RUFY2: variants seen among roughly 807,000 people sequenced by gnomAD.
RUFY2 encodes the protein RUN and FYVE domain-containing protein 2.
In RUFY2, 49 loss-of-function variants were observed where a neutral mutation model predicts 94.4. That is an observed-to-expected ratio of 0.52 (90% CI 0.41 to 0.66). The LOEUF (loss-of-function observed/expected upper bound fraction) is 0.66, where lower values mean the gene tolerates loss of function less well. RUFY2 is among the 30% of genes least tolerant of loss of function. The pLI, the probability that RUFY2 is intolerant of heterozygous loss-of-function variation, is 0.00. For missense variants in RUFY2, 541 were observed against 692.8 expected (o/e 0.78, Z 2.46); for synonymous variants, 255 against 235.7 (o/e 1.08, Z -0.75).
At chr10:68,375,836 G>A (rs112786493) in intron 13 of RUFY2, among the ~76,000 whole-genome samples, 3 of 151,702 alleles carry the variant, frequency 2.0e-5, no homozygotes, top group African/African-American at 7.2e-5. Flanking sequence ...AGTGGCTCAC[G>A]CCTGTAATCC....
At chr10:68,355,262 G>A in intron 16 of RUFY2, 91 bp downstream of exon 16, 3 of 912,584 alleles carry the variant, frequency 3.3e-6, no homozygotes, top group South Asian at 1.5e-5. Flanking sequence ...TATATATCCT[G>A]GGGTTAATAA....
chr10:68,394,295 ACT>A (rs1366767679), intron 5 of RUFY2, 31 bp downstream of exon 5: 8 of 1,613,116 alleles, frequency 5.0e-6, no homozygotes, highest in East Asian at 2.2e-5. Flanking sequence ...AACTGAAAAC[ACT>A]CTGCATTTGG....
At chr10:68,342,776 A>T (rs754076394), downstream of RUFY2, 2 of 152,656 alleles carry the variant, frequency 1.3e-5, no homozygotes, top group African/African-American at 2.4e-5. Flanking sequence ...TTATCGCAAG[A>T]TGTCTTAGAG....
intron 1 of RUFY2, chr10:68,405,365 G>T: frequency 1.1e-4 from 50 of 457,522 alleles, no homozygotes; most frequent in Middle Eastern, 1.1e-3. Flanking sequence ...AAATTTCCAT[G>T]ACCACTCCAG....
intron 13 of RUFY2, among the ~76,000 whole-genome samples, chr10:68,370,430 A>G (rs980281326): frequency 1.3e-4 from 19 of 151,842 alleles, no homozygotes; most frequent in African/African-American, 4.6e-4. Flanking sequence ...TGCAGCAGTA[A>G]CAAGGCATTT....
chr10:68,392,874 G>A (rs918652558), intron 7 of RUFY2, among the ~76,000 whole-genome samples: 23 of 149,512 alleles, frequency 1.5e-4, no homozygotes, highest in Non-Finnish European at 2.8e-4. Flanking sequence ...GTTGCAGTGA[G>A]CTGGGATCAT....
chr10:68,405,329 A>T (rs1488105770), intron 1 of RUFY2: 4 of 310,178 alleles, frequency 1.3e-5, no homozygotes, highest in Non-Finnish European at 1.9e-5. Context: ...AAAAAAAAAG[A>T]AAAAGAAAGA....
At chr10:68,400,667 C>T (rs543016729) in intron 3 of RUFY2, among the ~76,000 whole-genome samples, 67 of 147,718 alleles carry the variant, frequency 4.5e-4, no homozygotes, top group African/African-American at 1.5e-3. Flanking sequence ...CACAGCAAGA[C>T]TCCATCTCAA....
At chr10:68,370,657 A>T (rs2048205514) in intron 13 of RUFY2, among the ~76,000 whole-genome samples, 1 of 152,104 alleles carries the variant, frequency 6.6e-6, no homozygotes, top group Non-Finnish European at 1.5e-5. Context: ...CTCAAAACAA[A>T]ACACAAACAA....
chr10:68,359,479 AATAT>A (rs948902660), intron 15 of RUFY2, among the ~76,000 whole-genome samples: 3 of 143,720 alleles, frequency 2.1e-5, no homozygotes, highest in South Asian at 2.1e-4. Context: ...TATATATAAA[AATAT>A]ATATAGTAGT....
downstream of RUFY2, chr10:68,342,083 A>G: frequency 6.5e-7 from 1 of 1,538,238 alleles, no homozygotes; most frequent in Non-Finnish European, 9.0e-7. Context: ...ACAAGTCTTG[A>G]CAACAGCATC....
rs3831018 is a variant in RUFY2, at chr10:68,343,876, A to AACTT, written c.*1888_*1891dup. On this transcript the variant is annotated 3_prime_UTR_variant, in exon 18 of 18. Coordinates refer to ENST00000602465, the MANE Select transcript of RUFY2 (RefSeq NM_001330103.2). ...GATACATGAGTTTTGAAAAGTGAGA[A>AACTT]ACTTACTTAAAGGATGACAAAATCA... The AACTT allele has an allele frequency of 6.2e-4, 94 of 151,782 alleles. No homozygotes were observed. Among genetic ancestry groups the AACTT allele is most frequent in the Admixed American group, 1.4e-3 (21 of 15,218 alleles). 9.4% of individuals were successfully genotyped at this position (151,782 alleles called of 1,614,324 possible). A position where few individuals can be genotyped will look rare whatever the true frequency, so the allele number is the denominator to read the frequency against.
At chr10:68,384,377 C>A (rs1444777428) in intron 8 of RUFY2, among the ~76,000 whole-genome samples, 1 of 152,108 alleles carries the variant, frequency 6.6e-6, no homozygotes, top group African/African-American at 2.4e-5. Context: ...CTACTATTTT[C>A]TTTTATAGTT....
At chr10:68,388,203 A>C (rs1425981437) in intron 7 of RUFY2, among the ~76,000 whole-genome samples, 1 of 151,994 alleles carries the variant, frequency 6.6e-6, no homozygotes, top group East Asian at 1.9e-4. Flanking sequence ...CGGTGGCTCC[A>C]CATGTAATCC....
rs761919222 is a variant in RUFY2 at position 68,345,822 on chromosome 10, A to G, written c.1767T>C (p.Val589=). The G allele has an allele frequency of 1.2e-6, 2 of 1,614,114 alleles. No homozygotes were observed. The highest frequency in any genetic ancestry group is 1.7e-6 in the Non-Finnish European group (2 of 1,179,954). Residue 589 remains valine (V), a synonymous_variant, in exon 18 of 18, where the codon GTT becomes GTC. Transcript: ENST00000602465. The part of the protein sequence containing the change: ...PLPSSPKPVR[V]CDSCHALLIQ... ...TGAGCAGTGCATGACAGGAATCACA[A>G]ACCCGTACTGGTTTTGGTGAAGAAG...
At chr10:68,391,776 A>G (rs1301580397) in intron 7 of RUFY2, among the ~76,000 whole-genome samples, 2 of 151,784 alleles carry the variant, frequency 1.3e-5, no homozygotes, top group African/African-American at 2.4e-5. Flanking sequence ...CCTGGTCAAC[A>G]TGGTGAAACC....
At position 68,405,014 on chromosome 10, in the gene RUFY2, T is replaced by C. The variant is rs112415094; in HGVS notation, c.5-170A>G. Among the ~76,000 whole-genome samples the C allele has an allele frequency of 3.3e-3, 496 of 152,210 alleles. 1 individual carries two copies. The highest frequency in any genetic ancestry group is 0.01 in the Middle Eastern group (3 of 294). Reference sequence around the variant, plus strand: ...TTAACTTCTCTTTACATCTCTCACATATACTGTAAAAAATTTCCGGCCAGG... The same window carrying C: ...TTAACTTCTCTTTACATCTCTCACACATACTGTAAAAAATTTCCGGCCAGG... On this transcript the variant is annotated intron_variant, in intron 1 of 17. Transcript: ENST00000602465.
rs1325536984 is a variant in RUFY2 at position 68,383,840 on chromosome 10, A to G, written c.897T>C (p.Asn299=). The change falls in exon 10 of 18, where the codon AAT becomes AAC. Residue 299 remains asparagine, a synonymous_variant. Coordinates refer to ENST00000602465, the MANE Select transcript of RUFY2 (RefSeq NM_001330103.2). The part of the protein sequence containing the change: ...HSRQGLDEMY[N]EARRQLRDES... ...CATCTCGAAGCTGCCTTCTGGCTTC[A>G]TTGTACATTTCATCTAGCCCCTGAC... is the stretch of plus-strand genomic sequence containing the variant. The G allele has an allele frequency of 5.0e-6, 8 of 1,613,824 alleles. No individual in the cohort carries two copies. The East Asian group carries it at 6.7e-5, about 13-fold the overall frequency.
chr10:68,402,705 CAG>C (rs1347998356), intron 2 of RUFY2, among the ~76,000 whole-genome samples: 3 of 146,786 alleles, frequency 2.0e-5, no homozygotes, highest in Admixed American at 2.0e-4. Context: ...AGTCTCACTC[CAG>C]AGTGAGACCC....
Sources: gnomAD v4.1 joint callset for allele counts (sites outside exome capture counted in the v4.1 genomes callset) on GRCh38, gnomAD v4.1.1 for gene constraint, MANE v1.5 for transcripts, NCBI Gene and HGNC (gene_info 2026-07-23, HGNC 2026-07-21) for gene names.